The following CFAP77 variants were observed in gnomAD, a reference collection of about 807,000 sequenced individuals.
The protein encoded by CFAP77 is cilia- and flagella-associated protein 77.
Under a neutral mutation model 31.1 loss-of-function variants are expected in CFAP77, and 25 were observed. That is an observed-to-expected ratio of 0.80 (90% CI 0.59 to 1.12). The LOEUF (loss-of-function observed/expected upper bound fraction) is 1.12. Ranked by LOEUF, CFAP77 falls within the 50% of genes most tolerant of loss-of-function variation. CFAP77 has a pLI of 0.00. For synonymous variants in CFAP77, 151 were observed against 159.9 expected, an observed-to-expected ratio of 0.94 and a Z score of 0.42; for missense variants, 377 against 397.3, an observed-to-expected ratio of 0.95 and a Z score of 0.44.
Position 132,556,663 on chromosome 9 carries a change from C to G in CFAP77, c.732+13616C>G, listed in dbSNP as rs551103403. Among the ~76,000 whole-genome samples, 7 of 152,302 alleles carry G rather than the reference C, an allele frequency of 4.6e-5. No homozygotes were observed. In the East Asian group the frequency reaches 1.3e-3, roughly 29 times the overall value. ...CTGACGAGCCCCTCACCTGGCCCCG[C>G]GGTGCACCGCCTCCAATTAAATCAA... is the stretch of plus-strand genomic sequence containing the variant. On this transcript the variant is annotated intron_variant, in intron 5 of 5. Transcript: ENST00000393216.
chr9:132,457,290 C>G (rs533637373), intron 1 of CFAP77, among the ~76,000 whole-genome samples: 5 of 104,940 alleles, frequency 4.8e-5, no homozygotes, highest in Non-Finnish European at 6.9e-5. Flanking sequence ...GCGGCCGCAT[C>G]TTAAGACGGG....
chr9:132,496,924 A>G (rs1487518277), intron 1 of CFAP77, among the ~76,000 whole-genome samples: 1 of 152,198 alleles, frequency 6.6e-6, no homozygotes, highest in Non-Finnish European at 1.5e-5. Context: ...GAGGGTGGCA[A>G]GTTCTAAGCC....
intron 1 of CFAP77, among the ~76,000 whole-genome samples, chr9:132,464,016 G>A (rs937987612): frequency 6.6e-6 from 1 of 152,192 alleles, no homozygotes; most frequent in African/African-American, 2.4e-5. Context: ...TGGGAATCAC[G>A]GAAAGAGGCT....
chr9:132,472,626 G>A (rs1332378670), intron 1 of CFAP77, among the ~76,000 whole-genome samples: 1 of 152,190 alleles, frequency 6.6e-6, no homozygotes, highest in African/African-American at 2.4e-5. Flanking sequence ...TGGGCGTGGT[G>A]CAGCCATAGT....
At chr9:132,482,307 T>C (rs1417757885) in intron 1 of CFAP77, 3 of 1,612,390 alleles carry the variant, frequency 1.9e-6, no homozygotes, top group South Asian at 2.2e-5. Flanking sequence ...ATTTCTTTCG[T>C]AGGCTGCCGG....
intron 1 of CFAP77, among the ~76,000 whole-genome samples, chr9:132,417,118 C>T (rs1253784333): frequency 4.2e-4 from 59 of 139,260 alleles, no homozygotes; most frequent in African/African-American, 1.4e-3. Flanking sequence ...TTCTTTTTTT[C>T]TTTTTTTTTT....
intron 5 of CFAP77, among the ~76,000 whole-genome samples, chr9:132,550,262 C>T (rs961715201): frequency 5.9e-5 from 9 of 152,326 alleles, no homozygotes; most frequent in South Asian, 2.1e-4. Context: ...AAAAATATTT[C>T]GGTTTTTTGT....
chr9:132,466,833 G>C (rs1851158330), intron 1 of CFAP77, among the ~76,000 whole-genome samples: 1 of 152,136 alleles, frequency 6.6e-6, no homozygotes, highest in South Asian at 2.1e-4. Context: ...AATGACATTT[G>C]TCACAGCCAG....
chr9:132,416,455 C>G (rs1850101371), intron 1 of CFAP77, among the ~76,000 whole-genome samples: 1 of 150,688 alleles, frequency 6.6e-6, no homozygotes, highest in African/African-American at 2.4e-5. Flanking sequence ...ATTCTCCTGC[C>G]TCAGCCTCCC....
intron 1 of CFAP77, among the ~76,000 whole-genome samples, chr9:132,487,786 T>A (rs1366989031): frequency 6.6e-6 from 1 of 152,222 alleles, no homozygotes; most frequent in Non-Finnish European, 1.5e-5. Flanking sequence ...AGCATTGGGC[T>A]TCTAAGAGGA....
At chr9:132,502,277 T>TGA (rs1851860409) in intron 3 of CFAP77, among the ~76,000 whole-genome samples, 1 of 123,436 alleles carries the variant, frequency 8.1e-6, no homozygotes, top group East Asian at 2.2e-4. Flanking sequence ...TTTTTTTTTT[T>TGA]GGGGGAGGGG....
chr9:132,456,068 C>A (rs187096112), intron 1 of CFAP77, among the ~76,000 whole-genome samples: 6 of 152,332 alleles, frequency 3.9e-5, no homozygotes, highest in African/African-American at 1.4e-4. Flanking sequence ...CGTCCATCCA[C>A]GAATATTTTA....
chr9:132,423,221 G>A (rs1850254046), intron 1 of CFAP77, among the ~76,000 whole-genome samples: 1 of 152,232 alleles, frequency 6.6e-6, no homozygotes, highest in Non-Finnish European at 1.5e-5. Flanking sequence ...GAACCTGAAA[G>A]CTCTGTCTTT....
At chr9:132,410,518 G>T in intron 1 of CFAP77, 52 bp downstream of exon 1, 1 of 1,459,282 alleles carries the variant, frequency 6.9e-7, no homozygotes, top group Non-Finnish European at 9.1e-7. Flanking sequence ...CCGGGCACCT[G>T]CGCCGCCGGG....
intron 1 of CFAP77, among the ~76,000 whole-genome samples, chr9:132,432,296 G>A (rs1850424249): frequency 6.6e-6 from 1 of 152,144 alleles, no homozygotes; most frequent in South Asian, 2.1e-4. Flanking sequence ...GGACAAAGTG[G>A]AGTGGAATCC....
chr9:132,458,858 C>A (rs941740848), intron 1 of CFAP77, among the ~76,000 whole-genome samples: 1 of 152,058 alleles, frequency 6.6e-6, no homozygotes, highest in Non-Finnish European at 1.5e-5. Flanking sequence ...GAGGCATGTG[C>A]AAGGAAATAA....
chr9:132,463,798 A>T (rs1358603653), intron 1 of CFAP77, among the ~76,000 whole-genome samples: 1 of 152,208 alleles, frequency 6.6e-6, no homozygotes, highest in Non-Finnish European at 1.5e-5. Context: ...CAAGGACAGC[A>T]GCGGAGGTCC....
At chr9:132,535,724 A>AATAC (rs1852530167) in intron 3 of CFAP77, among the ~76,000 whole-genome samples, 1 of 151,632 alleles carries the variant, frequency 6.6e-6, no homozygotes, top group African/African-American at 2.4e-5. Flanking sequence ...TAAATAAATA[A>AATAC]ATAAATAAAT....
intron 4 of CFAP77, among the ~76,000 whole-genome samples, chr9:132,540,119 G>A (rs1415386181): frequency 6.6e-6 from 1 of 151,744 alleles, no homozygotes; most frequent in Non-Finnish European, 1.5e-5. Context: ...TAGTAGAGAC[G>A]GGGTCTCACC....
Sources: allele counts gnomAD v4.1 joint callset (sites outside exome capture counted in the v4.1 genomes callset), GRCh38; gene constraint gnomAD v4.1.1; transcripts MANE v1.5; gene names NCBI Gene and HGNC (gene_info 2026-07-23, HGNC 2026-07-21).